Variants in PHKA1 observed in about 807,000 individuals in gnomAD.
PHKA1 encodes the protein phosphorylase kinase regulatory subunit alpha 1.
PHKA1 carries 60 observed loss-of-function variants against 110.2 expected under a neutral mutation model. That is an observed-to-expected ratio of 0.54 (90% CI 0.44 to 0.68). The LOEUF (loss-of-function observed/expected upper bound fraction) is 0.68. PHKA1 is among the 30% of genes least tolerant of loss of function. The probability of loss-of-function intolerance (pLI) is 0.00; values close to 1 mark genes in which losing one functional copy is unlikely to be tolerated. For synonymous variants in PHKA1, 316 were observed against 333.6 expected (o/e 0.95, Z 0.58); for missense variants, 801 against 942.5 (o/e 0.85, Z 1.97).
rs1342248495 is a variant in PHKA1, at chrX:72,580,237, A to G, written c.*765T>C. On this transcript the variant is annotated 3_prime_UTR_variant, in exon 32 of 32. Transcript: ENST00000373542. ...GGTTATTCTGCATTTTCTGCTGCAA[A>G]TACAACTCTGAGTACCAACAATCTT... 8.9e-6 allele frequency: 1 copy of G among 112,043 alleles called. No homozygotes were observed. Among genetic ancestry groups the G allele is most frequent in the Non-Finnish European group, 1.9e-5 (1 of 53,256 alleles). 9.2% of individuals were successfully genotyped at this position (112,043 alleles called of 1,213,427 possible). A position where few individuals can be genotyped will look rare whatever the true frequency, so the allele number is the denominator to read the frequency against.
chrX:72,683,878 A>G (rs1556317908), intron 5 of PHKA1, among the ~76,000 whole-genome samples: 1 of 112,539 alleles, frequency 8.9e-6, no homozygotes. Context: ...TTGTTGATAG[A>G]TATTTGGGTT....
chrX:72,594,533 A>C (rs1165441980), intron 28 of PHKA1, among the ~76,000 whole-genome samples: 1 of 112,672 alleles, frequency 8.9e-6, no homozygotes, highest in African/African-American at 3.2e-5. Flanking sequence ...AATGAAACAG[A>C]CAAATTCCTA....
chrX:72,682,934 T>A (rs1414459911), intron 5 of PHKA1, among the ~76,000 whole-genome samples: 1 of 63,839 alleles, frequency 1.6e-5, no homozygotes, highest in African/African-American at 6.5e-5. Flanking sequence ...AAAAATAAAT[T>A]AAAAAAAAAA....
intron 18 of PHKA1, chrX:72,622,251 G>A: frequency 6.6e-6 from 5 of 754,145 alleles, no homozygotes; most frequent in Non-Finnish European, 7.8e-6. Context: ...TTGTCCTATT[G>A]TATGAGATTG....
At chrX:72,656,659 C>T (rs1357528232) in intron 9 of PHKA1, among the ~76,000 whole-genome samples, 2 of 111,900 alleles carry the variant, frequency 1.8e-5, no homozygotes, top group African/African-American at 6.5e-5. Flanking sequence ...GAGCAAACTG[C>T]TCAAGAATGG....
At chrX:72,607,823 T>C (rs2052752626) in intron 23 of PHKA1, among the ~76,000 whole-genome samples, 3 of 111,406 alleles carry the variant, frequency 2.7e-5, no homozygotes, top group Admixed American at 1.9e-4. Flanking sequence ...ACTATGCTCC[T>C]CATCTTCAAG....
At chrX:72,660,462 A>G in intron 8 of PHKA1, 1 of 280,101 alleles carries the variant, frequency 3.6e-6, no homozygotes, top group South Asian at 1.2e-4. Context: ...AACATAAGTG[A>G]AAATGCAGAT....
chrX:72,687,922 G>A (rs1229809736), intron 4 of PHKA1, among the ~76,000 whole-genome samples: 2 of 107,782 alleles, frequency 1.9e-5, no homozygotes, highest in Non-Finnish European at 3.8e-5. Flanking sequence ...TGCCTCCTAG[G>A]TTCATGTGAT....
rs2052317936 is a variant in PHKA1, at chrX:72,580,257, A to G, written c.*745T>C. ...TGCAAATACAACTCTGAGTACCAACAATCTTTATAAAATGTGATTTCAAGT... is the reference window on the plus strand; with the variant it reads ...TGCAAATACAACTCTGAGTACCAACGATCTTTATAAAATGTGATTTCAAGT... On this transcript the variant is annotated 3_prime_UTR_variant, in exon 32 of 32. Transcript: ENST00000373542. 8.9e-6 allele frequency: 1 copy of G among 112,187 alleles called. No individual in the cohort carries two copies. The highest frequency in any genetic ancestry group is 1.9e-5 in the Non-Finnish European group (1 of 53,303). 9.2% of individuals were successfully genotyped at this position (112,187 alleles called of 1,213,427 possible).
intron 21 of PHKA1, among the ~76,000 whole-genome samples, chrX:72,612,088 C>A (rs782125949): frequency 8.9e-6 from 1 of 111,890 alleles, no homozygotes; most frequent in East Asian, 2.8e-4. Flanking sequence ...TGTCCATCAT[C>A]TGATGAATGG....
rs181904118 is a variant in PHKA1 at position 72,707,337 on chromosome X, C to T, written c.238-2092G>A. The stretch of plus-strand genomic sequence containing the variant: ...AATTATCCTTTAAAACCCAACTCCT[C>T]TCTGAAGTCTTCCTTGCCTCGTCCC... On this transcript the variant is annotated intron_variant, in intron 2 of 31. Transcript: ENST00000373542. Among the ~76,000 whole-genome samples, 9 of 112,135 alleles carry T rather than the reference C, an allele frequency of 8.0e-5. No homozygotes were observed. In the East Asian group the frequency reaches 2.5e-3, roughly 31 times the overall value.
In PHKA1 at chrX:72,635,168, T is replaced by C; in HGVS notation, c.1701A>G (p.Ser567=). Residue 567 remains serine (S), a synonymous_variant, in exon 16 of 32, where the codon TCA becomes TCG. Transcript: ENST00000373542. Reference sequence around the variant, plus strand: ...TGCAGCCCTTACCAAGCATGCTGTGTGAGATGGGGAAGGTGATGGTGGGCT... The same window carrying C: ...TGCAGCCCTTACCAAGCATGCTGTGCGAGATGGGGAAGGTGATGGTGGGCT... The part of the protein sequence containing the change: ...TGQPTITFPI[S]HSMLDEDGTS... 2.5e-6 allele frequency: 3 copies of C among 1,210,840 alleles called. No homozygotes were observed. Among genetic ancestry groups the C allele is most frequent in the Non-Finnish European group, 2.2e-6 (2 of 894,753 alleles).
chrX:72,706,590 G>GGGCTT, intron 2 of PHKA1, among the ~76,000 whole-genome samples: 1 of 110,996 alleles, frequency 9.0e-6, no homozygotes, highest in East Asian at 2.8e-4. Flanking sequence ...GCAGAGGGAG[G>GGGCTT]GGCTTGAATA....
At chrX:72,608,009 C>T (rs1460016131) in intron 23 of PHKA1, among the ~76,000 whole-genome samples, 1 of 111,160 alleles carries the variant, frequency 9.0e-6, no homozygotes, top group East Asian at 2.8e-4. Context: ...TTACTCTTCC[C>T]TCTCCTTTTC....
At chrX:72,710,160 C>G (rs188339829) in intron 2 of PHKA1, among the ~76,000 whole-genome samples, 1 of 108,325 alleles carries the variant, frequency 9.2e-6, no homozygotes. Flanking sequence ...TTTATTCAAA[C>G]ATAACTATAC....
chrX:72,581,042 A>G lies in PHKA1; in HGVS notation c.3632T>C (p.Val1211Ala). The G allele has an allele frequency of 8.3e-7, 1 of 1,211,275 alleles. No individual in the cohort carries two copies. The highest frequency in any genetic ancestry group is 1.1e-6 in the Non-Finnish European group (1 of 895,078). The change falls in exon 32 of 32, where the codon GTG becomes GCG. Residue 1211 changes from valine (V) to alanine (A), a missense_variant. Coordinates refer to ENST00000373542, the MANE Select transcript of PHKA1 (RefSeq NM_002637.4). ...TYLSKAAATY[V>A]QEFLPHSICA... ...GATGCTGTGGGGCAGGAACTCCTGC[A>G]CGTAGGTGGCGGCTGCCTTGGAGAG...
At chrX:72,635,117 C>T (rs1045062581) in intron 16 of PHKA1, 38 bp downstream of exon 16, 8 of 1,207,223 alleles carry the variant, frequency 6.6e-6, no homozygotes, top group Non-Finnish European at 9.0e-6. Flanking sequence ...TGACTTATTT[C>T]CAAAATACAT....
At chrX:72,592,210 A>G (rs1268465540) in intron 29 of PHKA1, among the ~76,000 whole-genome samples, 1 of 112,759 alleles carries the variant, frequency 8.9e-6, no homozygotes, top group African/African-American at 3.2e-5. Context: ...AGCTGCAAAA[A>G]AAGCAAGTTA....
At chrX:72,595,425 T>C (rs781832447) in intron 28 of PHKA1, among the ~76,000 whole-genome samples, 4 of 110,852 alleles carry the variant, frequency 3.6e-5, no homozygotes, top group South Asian at 7.9e-4. Context: ...GTATTCAACA[T>C]TTTATGGGGG....
Sources: gnomAD v4.1 joint callset for allele counts (sites outside exome capture counted in the v4.1 genomes callset) on GRCh38, gnomAD v4.1.1 for gene constraint, MANE v1.5 for transcripts, NCBI Gene and HGNC (gene_info 2026-07-23, HGNC 2026-07-21) for gene names.